Variants in CPNE2 observed in about 807,000 individuals in gnomAD.
The protein encoded by CPNE2 is copine-2.
In CPNE2, 42 loss-of-function variants were observed where a neutral mutation model predicts 69.7. The ratio of observed to expected loss-of-function variants is 0.60; its 90% confidence interval spans 0.47 to 0.78. The LOEUF is 0.78. Among genes scored for constraint, CPNE2 ranks in the 30% least tolerant of loss-of-function variants. The probability of loss-of-function intolerance (pLI) is 0.00; values close to 1 mark genes in which losing one functional copy is unlikely to be tolerated. For synonymous variants in CPNE2, 294 were observed against 289.8 expected (o/e 1.01, Z -0.15); for missense variants, 587 against 732.0 (o/e 0.80, Z 2.29).
chr16:57,123,320 T>G, intron 9 of CPNE2, 94 bp from the exon 10 acceptor site: 1 of 1,303,600 alleles, frequency 7.7e-7, no homozygotes, highest in East Asian at 2.3e-5. Context: ...GACCTCCTTG[T>G]CCCTACTGAG....
intron 12 of CPNE2, among the ~76,000 whole-genome samples, chr16:57,132,788 A>T (rs1567671810): frequency 6.6e-6 from 1 of 151,986 alleles, no homozygotes; most frequent in Non-Finnish European, 1.5e-5. Context: ...TGACCTGGGC[A>T]CTCCCTGGCC....
At chr16:57,138,348 G>T (rs1382640066) in intron 14 of CPNE2, among the ~76,000 whole-genome samples, 1 of 152,120 alleles carries the variant, frequency 6.6e-6, no homozygotes, top group Non-Finnish European at 1.5e-5. Context: ...CCCTGCAGCT[G>T]CCTTCACCAC....
intron 1 of CPNE2, among the ~76,000 whole-genome samples, chr16:57,099,071 C>T (rs1420756722): frequency 6.6e-6 from 1 of 152,178 alleles, no homozygotes; most frequent in Non-Finnish European, 1.5e-5. Context: ...CAGAAACAGA[C>T]ACGACCAGCA....
chr16:57,103,358 A>AC (rs2069627510), intron 1 of CPNE2, among the ~76,000 whole-genome samples: 1 of 151,914 alleles, frequency 6.6e-6, no homozygotes, highest in Non-Finnish European at 1.5e-5. Flanking sequence ...TCCTGGCCTC[A>AC]AGCAGTTCTC....
In CPNE2 at chr16:57,110,752, A is replaced by C. The variant is rs2069675751; in HGVS notation, c.10A>C (p.Ile4Leu). The change falls in exon 2 of 16, where the codon ATA becomes CTA. Residue 4 changes from isoleucine (I) to leucine (L), a missense_variant. By Grantham distance (5) the Ile-to-Leu change is conservative (BLOSUM62 2). Coordinates refer to ENST00000290776, the MANE Select transcript of CPNE2 (RefSeq NM_152727.6). MAH[I>L]PSGGAPAAGA... ...ACCGCCACCGGCTCCCATGGCCCAC[A>C]TACCCAGTGGGGGTGCCCCAGCAGC... 6.2e-7 allele frequency: 1 copy of C among 1,610,850 alleles called. No individual in the cohort carries two copies. Among genetic ancestry groups the C allele is most frequent in the Middle Eastern group, 1.7e-4 (1 of 6,034 alleles).
At chr16:57,133,152 TC>T (rs1255107909) in intron 12 of CPNE2, among the ~76,000 whole-genome samples, 1 of 152,008 alleles carries the variant, frequency 6.6e-6, no homozygotes, top group African/African-American at 2.4e-5. Flanking sequence ...TCAGGAAGTC[TC>T]CATGGCAACA....
Position 57,137,145 on chromosome 16 carries a change from G to A in CPNE2, c.1169-4G>A. 1.2e-6 allele frequency: 2 copies of A among 1,613,734 alleles called. No individual in the cohort carries two copies. Among genetic ancestry groups the A allele is most frequent in the Non-Finnish European group, 1.7e-6 (2 of 1,179,676 alleles). ...GGCTGATCCAGACTCTTCTCCCGAGGCAGGTGTGGATGGTATTGCCCAGGC... is the reference window on the plus strand; with the variant it reads ...GGCTGATCCAGACTCTTCTCCCGAGACAGGTGTGGATGGTATTGCCCAGGC... On this transcript the variant is annotated splice_region_variant and splice_polypyrimidine_tract_variant and intron_variant, in intron 13 of 15. Transcript: ENST00000290776.
At position 57,127,200 on chromosome 16, in the gene CPNE2, G is replaced by A. The variant is rs117473924; in HGVS notation, c.1062-649G>A. 6.0e-4 allele frequency among the ~76,000 whole-genome samples: 92 copies of A among 152,324 alleles called. No individual in the cohort carries two copies. The East Asian group carries it at 0.015, about 25-fold the overall frequency. On this transcript the variant is annotated intron_variant, in intron 11 of 15. Coordinates refer to ENST00000290776, the MANE Select transcript of CPNE2 (RefSeq NM_152727.6). ...AGGGTATCAGGGAAATCTACAGAGC[G>A]AAGGGGCCATTTTGATTGGGCCTTA...
chr16:57,127,735 C>A, intron 11 of CPNE2, 114 bp from the exon 12 acceptor site: 1 of 1,023,788 alleles, frequency 9.8e-7, no homozygotes, highest in Non-Finnish European at 1.5e-6. Flanking sequence ...AGGTGGTGAG[C>A]TCCTCCTTTC....
At chr16:57,094,567 T>G (rs1483214455) in intron 1 of CPNE2, among the ~76,000 whole-genome samples, 1 of 152,214 alleles carries the variant, frequency 6.6e-6, no homozygotes, top group East Asian at 1.9e-4. Flanking sequence ...TCATATTCTT[T>G]TCAGGTAATT....
chr16:57,121,111 G>A lies in CPNE2; in HGVS notation c.700G>A (p.Asp234Asn). The A allele has an allele frequency of 6.2e-7, 1 of 1,613,938 alleles. No individual in the cohort carries two copies. Among genetic ancestry groups the A allele is most frequent in the Non-Finnish European group, 8.5e-7 (1 of 1,179,904 alleles). ...KPIQVMCYDY[D>N]NDGGHDFIGE... ...ACCCCAGGTCATGTGCTACGACTAT[G>A]ACAATGACGGGGGCCATGACTTCAT... The change falls in exon 8 of 16, where the codon GAC becomes AAC. Residue 234 changes from aspartate (D) to asparagine (N), a missense_variant. Asp to Asn is a conservative substitution (Grantham distance 23, BLOSUM62 1). Around this residue, in one of 5 missense-constraint regions of CPNE2, gnomAD observed 269 missense variants for 300.5 expected, o/e 0.90. Transcript: ENST00000290776.
intron 3 of CPNE2, 98 bp from the exon 4 acceptor site, chr16:57,115,378 G>T (rs2069711153): frequency 2.0e-6 from 2 of 977,182 alleles, no homozygotes; most frequent in Admixed American, 3.7e-5. Flanking sequence ...GCGGGGTGCA[G>T]CCCTGCCAAG....
intron 13 of CPNE2, among the ~76,000 whole-genome samples, chr16:57,136,946 G>A (rs4783978): frequency 0.035 from 5,393 of 152,314 alleles, 291 homozygotes; most frequent in East Asian, 0.22. Flanking sequence ...CTACAGGCCT[G>A]TCTGACTTCA....
At chr16:57,117,877 G>A (rs1231294932) in intron 5 of CPNE2, among the ~76,000 whole-genome samples, 1 of 152,080 alleles carries the variant, frequency 6.6e-6, no homozygotes, top group African/African-American at 2.4e-5. Flanking sequence ...CCAGTGCCCC[G>A]ACTCTCCGAC....
At chr16:57,123,820 A>T in intron 10 of CPNE2, 1 of 366,098 alleles carries the variant, frequency 2.7e-6, no homozygotes, top group Non-Finnish European at 5.1e-6. Flanking sequence ...CTCCTTGCTC[A>T]CTGGGCTCTA....
chr16:57,117,390 C>T, intron 4 of CPNE2, 106 bp from the exon 5 acceptor site: 2 of 1,143,664 alleles, frequency 1.7e-6, no homozygotes, highest in Non-Finnish European at 2.5e-6. Context: ...CTGCCCTTCC[C>T]TTCCCCCTCC....
intron 8 of CPNE2, 84 bp from the exon 9 acceptor site, chr16:57,121,590 G>A (rs1161416859): frequency 3.0e-6 from 4 of 1,348,354 alleles, no homozygotes; most frequent in Non-Finnish European, 4.2e-6. Flanking sequence ...TGTCAAGCCT[G>A]TGGAAGGGAT....
chr16:57,117,178 G>T (rs1172428697), intron 4 of CPNE2, among the ~76,000 whole-genome samples: 3 of 152,080 alleles, frequency 2.0e-5, no homozygotes, highest in Admixed American at 6.5e-5. Flanking sequence ...TGCTCTCTGG[G>T]CCAGAACCTC....
intron 10 of CPNE2, chr16:57,124,333 T>C (rs1256747159): frequency 4.4e-6 from 2 of 451,880 alleles, no homozygotes; most frequent in African/African-American, 4.0e-5. Flanking sequence ...CTGCCCACCT[T>C]GGCCTCTCAA....
Sources: gnomAD v4.1 joint callset for allele counts (sites outside exome capture counted in the v4.1 genomes callset) on GRCh38, gnomAD v4.1.1 for gene constraint, gnomAD v4.1.1 regional missense constraint, MANE v1.5 for transcripts, NCBI Gene and HGNC (gene_info 2026-07-23, HGNC 2026-07-21) for gene names.